Variants in RBFOX1 observed in about 807,000 individuals in gnomAD.
RBFOX1 encodes the protein RNA binding protein fox-1 homolog 1.
RBFOX1 carries 8 observed loss-of-function variants against 57.7 expected under a neutral mutation model. The ratio of observed to expected loss-of-function variants is 0.14; its 90% CI spans 0.08 to 0.25. The LOEUF is 0.25. RBFOX1 is among the 10% of genes least tolerant of loss of function. The pLI is 1.00. For missense variants in RBFOX1, 611 were observed against 548.5 expected (o/e 1.11, Z -1.14); for synonymous variants, 326 against 222.4 (o/e 1.47, Z -4.15).
chr16:5,775,988 A>G (rs2054134478), intron 3 of RBFOX1, among the ~76,000 whole-genome samples: 1 of 152,156 alleles, frequency 6.6e-6, no homozygotes, highest in Non-Finnish European at 1.5e-5. Flanking sequence ...TGAGCTCTAC[A>G]TCACCTGGCC....
chr16:7,223,304 G>A (rs918724700), intron 4 of RBFOX1, among the ~76,000 whole-genome samples: 1 of 152,196 alleles, frequency 6.6e-6, no homozygotes, highest in Non-Finnish European at 1.5e-5. Flanking sequence ...TTGATTGTCA[G>A]AGCATGTAAA....
chr16:6,124,992 A>G (rs1465037860), intron 1 of RBFOX1, among the ~76,000 whole-genome samples: 1 of 152,150 alleles, frequency 6.6e-6, no homozygotes, highest in Non-Finnish European at 1.5e-5. Context: ...AGTTGAGCCA[A>G]CGCTTTGGAA....
intron 2 of RBFOX1, chr16:5,467,337 C>T (rs2068985210): frequency 7.5e-7 from 1 of 1,332,826 alleles, no homozygotes; most frequent in Non-Finnish European, 1.0e-6. Flanking sequence ...GCGTCACAGC[C>T]CTGCAACTTC....
At chr16:5,407,142 GAGAC>G (rs1365310826) in intron 1 of RBFOX1, among the ~76,000 whole-genome samples, 1 of 152,164 alleles carries the variant, frequency 6.6e-6, no homozygotes, top group Non-Finnish European at 1.5e-5. Flanking sequence ...AGGCAAGAGA[GAGAC>G]AGAGTGAAAA....
chr16:6,766,824 C>G (rs564019811), intron 3 of RBFOX1, among the ~76,000 whole-genome samples: 51 of 151,900 alleles, frequency 3.4e-4, no homozygotes, highest in Non-Finnish European at 6.6e-4. Context: ...TCAGGCGAGA[C>G]CTAAAGGATG....
chr16:7,704,651 C>T (rs377020214), intron 14 of RBFOX1, among the ~76,000 whole-genome samples: 1 of 152,048 alleles, frequency 6.6e-6, no homozygotes, highest in Admixed American at 6.6e-5. Context: ...AGTTCTCGTT[C>T]CAGGAGGGTG....
At chr16:6,022,005 CA>C (rs2095089541) in intron 1 of RBFOX1, among the ~76,000 whole-genome samples, 1 of 152,166 alleles carries the variant, frequency 6.6e-6, no homozygotes, top group Non-Finnish European at 1.5e-5. Flanking sequence ...TTGCCTTATA[CA>C]CACACGTTTT....
At chr16:7,651,562 ACT>A (rs2065070387) in intron 11 of RBFOX1, among the ~76,000 whole-genome samples, 3 of 152,052 alleles carry the variant, frequency 2.0e-5, no homozygotes, top group South Asian at 4.1e-4. Flanking sequence ...TGTGGAAAGG[ACT>A]CTGAATAATG....
In RBFOX1 at chr16:6,895,434, G is replaced by GTATA. The variant is rs1351412911; in HGVS notation, c.-15-156622_-15-156621insATAT. On this transcript the variant is annotated intron_variant, in intron 3 of 15. Transcript: ENST00000550418. ...TAGTAATATATGTGTGTGTGTGTGT[G>GTATA]TGTGTGTGTGTGTGTATATATATAT... Among the ~76,000 whole-genome samples the GTATA allele has an allele frequency of 1.3e-3, 123 of 91,638 alleles. 2 individuals carry two copies. Among genetic ancestry groups the GTATA allele is most frequent in the East Asian group, 4.7e-3 (17 of 3,610 alleles). 60.1% of individuals were successfully genotyped at this position (91,638 alleles called of 152,430 possible). A position where few individuals can be genotyped will look rare whatever the true frequency, so the allele number is the denominator to read the frequency against.
intron 5 of RBFOX1, among the ~76,000 whole-genome samples, chr16:7,574,079 T>G (rs980383718): frequency 7.2e-5 from 11 of 152,156 alleles, no homozygotes; most frequent in African/African-American, 2.4e-4. Context: ...GATGCTATAA[T>G]GACTTCTCAA....
At chr16:6,647,511 G>C (rs2098543456) in intron 2 of RBFOX1, among the ~76,000 whole-genome samples, 1 of 152,126 alleles carries the variant, frequency 6.6e-6, no homozygotes, top group Non-Finnish European at 1.5e-5. Flanking sequence ...GACTCCCAAA[G>C]TGATGGGATT....
chr16:5,946,765 T>G lies in RBFOX1; in HGVS notation c.351+79430T>G, dbSNP rs1467341623. Among the ~76,000 whole-genome samples the G allele has an allele frequency of 6.6e-6, 1 of 152,198 alleles. No individual in the cohort carries two copies. Among genetic ancestry groups the G allele is most frequent in the Admixed American group, 6.5e-5 (1 of 15,278 alleles). ...GGGACTGGGCCCTCAACCTGTGGAA[T>G]CTGATTCTAACTCCAGGTGGATCAT... On this transcript the variant is annotated intron_variant, in intron 4 of 19. Transcript: ENST00000641259. This position sits in a 1 kb window ranked among gnomAD's most constrained non-coding sequence, Gnocchi z 4.6.
chr16:7,388,519 C>T (rs951464477), intron 4 of RBFOX1, among the ~76,000 whole-genome samples: 1 of 152,052 alleles, frequency 6.6e-6, no homozygotes, highest in Non-Finnish European at 1.5e-5. Flanking sequence ...TCATCCCCTT[C>T]CCTGAGCTTA....
intron 1 of RBFOX1, among the ~76,000 whole-genome samples, chr16:6,163,673 A>G (rs907204106): frequency 4.6e-5 from 7 of 152,166 alleles, no homozygotes; most frequent in Non-Finnish European, 8.8e-5. Flanking sequence ...GTTCTTTCCA[A>G]AATGTTTCCG....
intron 10 of RBFOX1, 30 bp downstream of exon 10, chr16:7,607,368 C>G (rs2095319262): frequency 1.9e-6 from 3 of 1,599,642 alleles, no homozygotes; most frequent in East Asian, 2.2e-5. Flanking sequence ...ACGAAGTCTT[C>G]TCAGTCTTTT....
At chr16:5,314,353 T>C (rs1051819699) in intron 1 of RBFOX1, among the ~76,000 whole-genome samples, 2 of 152,208 alleles carry the variant, frequency 1.3e-5, no homozygotes, top group South Asian at 2.1e-4. Flanking sequence ...CCGTGCCCCA[T>C]GGCACAGGTG....
chr16:5,766,296 A>G (rs2053775391), intron 3 of RBFOX1, among the ~76,000 whole-genome samples: 1 of 152,142 alleles, frequency 6.6e-6, no homozygotes, highest in South Asian at 2.1e-4. Context: ...ACTTTAAAAT[A>G]CAGATCTGGG....
At chr16:6,271,921 A>G (rs1322138524) in intron 1 of RBFOX1, among the ~76,000 whole-genome samples, 2 of 152,176 alleles carry the variant, frequency 1.3e-5, no homozygotes, top group Admixed American at 6.6e-5. Flanking sequence ...AAAACAGGAG[A>G]GAAATAAGAA....
Position 6,202,587 on chromosome 16 carries a change from T to TG in RBFOX1, c.-126-114407dup, listed in dbSNP as rs541057706. Among the ~76,000 whole-genome samples, 136 of 151,852 alleles carry TG rather than the reference T, an allele frequency of 9.0e-4. No homozygotes were observed. In the South Asian group the frequency reaches 0.01, roughly 12 times the overall value. ...TTGGGTCAGTTTCTTTCTTTTATGC[T>TG]GAAAAAAAAATCACTTTATTGAGGT... is the stretch of plus-strand genomic sequence containing the variant. On this transcript the variant is annotated intron_variant, in intron 1 of 15. Transcript: ENST00000550418.
Sources: gnomAD v4.1 joint callset for allele counts (sites outside exome capture counted in the v4.1 genomes callset) on GRCh38, gnomAD v4.1.1 for gene constraint, Gnocchi (gnomAD v3.1) non-coding constraint, MANE v1.5 for transcripts, NCBI Gene and HGNC (gene_info 2026-07-23, HGNC 2026-07-21) for gene names.